EYS: variants seen among roughly 807,000 people sequenced by gnomAD.
EYS encodes the protein protein eyes shut homolog.
In EYS, 250 loss-of-function variants were observed where a neutral mutation model predicts 282.1. The observed-to-expected ratio is 0.89, with a 90% CI of 0.80 to 0.98. The LOEUF (loss-of-function observed/expected upper bound fraction) is 0.98, where lower values mean the gene tolerates loss of function less well. EYS is among the 50% of genes least tolerant of loss of function. The pLI is 0.00. For synonymous variants in EYS, 1,355 were observed against 1,282.9 expected (o/e 1.06, Z -1.20); for missense variants, 4,016 against 3,709.0 (o/e 1.08, Z -2.15).
chr6:63,839,736 C>T (rs1239732865), intron 36 of EYS, among the ~76,000 whole-genome samples: 2 of 152,180 alleles, frequency 1.3e-5, no homozygotes, highest in Non-Finnish European at 2.9e-5. Context: ...GATACATACC[C>T]AGCAGTGGAA....
intron 29 of EYS, among the ~76,000 whole-genome samples, chr6:64,339,657 A>G (rs115041482): frequency 0.025 from 3,739 of 151,986 alleles, 147 homozygotes; most frequent in African/African-American, 0.085. Context: ...AGAAGTCATT[A>G]TACAAAAGAT....
At chr6:65,331,068 C>T (rs1207367710) in intron 11 of EYS, 2 of 984,038 alleles carry the variant, frequency 2.0e-6, no homozygotes, top group East Asian at 2.3e-4. Flanking sequence ...TGTAGTCTGT[C>T]ATGTCATATG....
At position 65,406,092 on chromosome 6, in the gene EYS, G is replaced by A. The variant is rs546923936; in HGVS notation, c.863-725C>T. Among the ~76,000 whole-genome samples, 34 of 152,036 alleles carry A rather than the reference G, an allele frequency of 2.2e-4. No individual in the cohort carries two copies. The South Asian group carries it at 6.7e-3, about 30-fold the overall frequency. Reference sequence around the variant, plus strand: ...TTCTTGCCAACATTTGATATTGTCCGTTTTCTTTATTATAGTCATTCTAGT... The same window carrying A: ...TTCTTGCCAACATTTGATATTGTCCATTTTCTTTATTATAGTCATTCTAGT... On this transcript the variant is annotated intron_variant, in intron 5 of 42. Transcript: ENST00000503581.
chr6:63,956,444 C>G (rs145356484), intron 35 of EYS, among the ~76,000 whole-genome samples: 3,600 of 152,254 alleles, frequency 0.024, 55 homozygotes, highest in Non-Finnish European at 0.036. Flanking sequence ...ACTCAGCCCA[C>G]CTGCACCCAG....
intron 35 of EYS, among the ~76,000 whole-genome samples, chr6:63,879,942 A>T (rs1022800549): frequency 5.9e-5 from 9 of 152,202 alleles, no homozygotes; most frequent in Non-Finnish European, 1.3e-4. Flanking sequence ...TTATTGTTGT[A>T]CTGAACGTAT....
intron 26 of EYS, among the ~76,000 whole-genome samples, chr6:64,565,956 A>T (rs1299188197): frequency 7.8e-6 from 1 of 128,680 alleles, no homozygotes; most frequent in Non-Finnish European, 1.6e-5. Context: ...CATACAAATT[A>T]AAAAAAAAAA....
At chr6:64,577,615 G>A (rs1328595006) in intron 26 of EYS, among the ~76,000 whole-genome samples, 2 of 152,012 alleles carry the variant, frequency 1.3e-5, no homozygotes, top group Non-Finnish European at 2.9e-5. Context: ...TCAATTCAAC[G>A]TGAAGATACA....
intron 31 of EYS, among the ~76,000 whole-genome samples, chr6:64,082,851 A>G (rs1320629934): frequency 6.6e-6 from 1 of 152,030 alleles, no homozygotes; most frequent in African/African-American, 2.4e-5. Context: ...AGTGTAACAC[A>G]TGGTATGTTG....
intron 12 of EYS, among the ~76,000 whole-genome samples, chr6:65,182,952 C>A (rs76417395): frequency 0.017 from 2,631 of 151,862 alleles, 37 homozygotes; most frequent in Middle Eastern, 0.031. Context: ...CCACGCCTGG[C>A]TGATTTTTTG....
At chr6:64,070,156 T>C (rs1377772170) in intron 32 of EYS, among the ~76,000 whole-genome samples, 1 of 152,120 alleles carries the variant, frequency 6.6e-6, no homozygotes, top group African/African-American at 2.4e-5. Context: ...CGTTAAAGTT[T>C]AGTTGCAGTG....
chr6:64,394,115 C>T (rs1773265625), intron 28 of EYS, among the ~76,000 whole-genome samples: 1 of 152,136 alleles, frequency 6.6e-6, no homozygotes, highest in Non-Finnish European at 1.5e-5. Context: ...CAAACCACTG[C>T]TCAATTAAAT....
At chr6:64,379,535 T>C (rs978873723) in intron 29 of EYS, 5 of 152,184 alleles carry the variant, frequency 3.3e-5, no homozygotes, top group African/African-American at 1.2e-4. Context: ...GTTTAAACTA[T>C]AGACCTGAGA....
chr6:65,590,436 C>T (rs1303427789), intron 2 of EYS, among the ~76,000 whole-genome samples: 2 of 152,000 alleles, frequency 1.3e-5, no homozygotes, highest in African/African-American at 4.8e-5. Flanking sequence ...ATTAGGGTAA[C>T]TAGCATATCT....
intron 41 of EYS, among the ~76,000 whole-genome samples, chr6:63,735,501 A>ACG (rs1390949176): frequency 2.6e-5 from 4 of 151,652 alleles, no homozygotes; most frequent in African/African-American, 9.7e-5. Context: ...TGTCACACAC[A>ACG]CACACACACA....
At chr6:64,574,983 G>A (rs987275350) in intron 26 of EYS, among the ~76,000 whole-genome samples, 2 of 152,090 alleles carry the variant, frequency 1.3e-5, no homozygotes, top group African/African-American at 4.8e-5. Flanking sequence ...TTTAGAGAGT[G>A]ATAGAGGCAC....
At chr6:65,566,932 T>C (rs377213989) in intron 2 of EYS, among the ~76,000 whole-genome samples, 29 of 152,282 alleles carry the variant, frequency 1.9e-4, no homozygotes, top group African/African-American at 6.3e-4. Context: ...GTTAAATTAC[T>C]TAGCACATCA....
intron 1 of EYS, among the ~76,000 whole-genome samples, chr6:65,700,555 C>T (rs891123673): frequency 1.3e-5 from 2 of 152,036 alleles, no homozygotes; most frequent in Non-Finnish European, 2.9e-5. Context: ...CTTTATCCTA[C>T]TTCTTTAATA....
chr6:63,951,111 T>G (rs1378722626), intron 35 of EYS, among the ~76,000 whole-genome samples: 1 of 152,054 alleles, frequency 6.6e-6, no homozygotes, highest in Non-Finnish European at 1.5e-5. Flanking sequence ...CCCTCTCTTT[T>G]GTCTGAGCTT....
intron 26 of EYS, among the ~76,000 whole-genome samples, chr6:64,572,554 G>T (rs1415839087): frequency 2.6e-5 from 4 of 152,154 alleles, no homozygotes; most frequent in Non-Finnish European, 1.5e-5. Context: ...ATCTCCTTAA[G>T]CTGATTAGCA....
Sources: gnomAD v4.1 joint callset for allele counts (sites outside exome capture counted in the v4.1 genomes callset) on GRCh38, gnomAD v4.1.1 for gene constraint, MANE v1.5 for transcripts, NCBI Gene and HGNC (gene_info 2026-07-23, HGNC 2026-07-21) for gene names.